MAGIX: variants seen among roughly 807,000 people sequenced by gnomAD.
MAGIX encodes the protein PDZ domain-containing protein MAGIX.
Under a neutral mutation model 10.0 loss-of-function variants are expected in MAGIX, and 13 were observed. The observed-to-expected ratio is 1.30, with a 90% CI of 0.84 to 2.06. The LOEUF (loss-of-function observed/expected upper bound fraction) is 2.06. Ranked by LOEUF, MAGIX falls within the 30% of genes most tolerant of loss-of-function variation. The pLI, the probability that MAGIX is intolerant of heterozygous loss-of-function variation, is 0.00. For missense variants in MAGIX, 235 were observed against 245.2 expected, an observed-to-expected ratio of 0.96 and a Z score of 0.28; for synonymous variants, 108 against 106.8, an observed-to-expected ratio of 1.01 and a Z score of -0.07.
chrX:49,163,961 G>A, intron 2 of MAGIX, 32 bp downstream of exon 2: 1 of 1,004,261 alleles, frequency 1.0e-6, no homozygotes, highest in African/African-American at 2.0e-5. Context: ...TCCGCTGGGG[G>A]AGGGTTCGGA....
rs782054302 is a variant in MAGIX at position 49,162,971 on chromosome X, G to T, written c.-202+226G>T. The T allele has an allele frequency of 2.4e-4, 124 of 521,575 alleles. 2 individuals are homozygous for T. The South Asian group carries it at 7.8e-3, about 33-fold the overall frequency. The allele number at this position is 521,575 out of a possible 1,213,427, so 43.0% of individuals were successfully genotyped here. A position where few individuals can be genotyped will look rare whatever the true frequency, so the allele number is the denominator to read the frequency against. On this transcript the variant is annotated intron_variant, in intron 1 of 4. Coordinates refer to ENST00000616266, the Ensembl canonical transcript of MAGIX. ...GATTGGGGTCGTTGGGGAAGGACAGGGCGAGTCGCCGCCATCCCCGTCCCG... is the reference window on the plus strand; with the variant it reads ...GATTGGGGTCGTTGGGGAAGGACAGTGCGAGTCGCCGCCATCCCCGTCCCG...
chrX:49,165,377 G>A lies in MAGIX; in HGVS notation c.502+16G>A. 2.6e-6 allele frequency: 3 copies of A among 1,141,056 alleles called. No individual in the cohort carries two copies. The highest frequency in any genetic ancestry group is 2.3e-6 in the Non-Finnish European group (2 of 858,430). The allele number at this position is 1,141,056 out of a possible 1,213,427, so 94.0% of individuals were successfully genotyped here. On this transcript the variant is annotated intron_variant, in intron 4 of 4. Coordinates refer to ENST00000616266, the Ensembl canonical transcript of MAGIX. ...AAAGGAGTTGGTGGGTTTCCCAAGG[G>A]AGAGAAGTCAGAGATCAGTGAGGAG... is the stretch of plus-strand genomic sequence containing the variant.
At chrX:49,166,460 G>A (rs1557098232) in exon 5 of MAGIX, 2 of 983,466 alleles carry the variant, frequency 2.0e-6, no homozygotes, top group Non-Finnish European at 2.7e-6. Context: ...GGCGCGTGTG[G>A]CCGCTGGGCA....
chrX:49,168,774 C>CAAA (rs35343968), downstream of MAGIX, among the ~76,000 whole-genome samples: 1 of 16,897 alleles, frequency 5.9e-5, no homozygotes, highest in African/African-American at 2.3e-4. Context: ...GACCTTATCT[C>CAAA]AAAAAAAAAA....
At chrX:49,164,749 G>T (rs1557097151) in exon 3 of MAGIX, 1 of 1,212,031 alleles carries the variant, frequency 8.3e-7, no homozygotes, top group Non-Finnish European at 1.1e-6. Context: ...GTCACAGACA[G>T]TCGCCTGCCT....
intron 1 of MAGIX, 176 bp from the exon 2 acceptor site, chrX:49,163,607 C>A: frequency 5.3e-6 from 2 of 376,438 alleles, no homozygotes; most frequent in Admixed American, 6.5e-5. Context: ...ACCGGCTACC[C>A]GCGACGGTCG....
At chrX:49,163,881 G>C (rs1478676791) in exon 2 of MAGIX, 1 of 1,032,440 alleles carries the variant, frequency 9.7e-7, no homozygotes, top group Non-Finnish European at 1.2e-6. Context: ...CGACGTGGCA[G>C]CGCTGGTACG....
In MAGIX at chrX:49,163,932, G is replaced by A; in HGVS notation, c.-55+3G>A. On this transcript the variant is annotated splice_donor_region_variant and intron_variant, in intron 2 of 4. Transcript: ENST00000616266. ...ATTGCGCCTGCGCCGGAAGGAGGGT[G>A]AGTGACTGGCGCAGGGCCTCCGCTG... 9.8e-7 allele frequency: 1 copy of A among 1,015,511 alleles called. No homozygotes were observed. Among genetic ancestry groups the A allele is most frequent in the East Asian group, 4.1e-5 (1 of 24,329 alleles). 83.7% of individuals were successfully genotyped at this position (1,015,511 alleles called of 1,213,427 possible).
At chrX:49,165,227 C>T (rs1557097535) in exon 4 of MAGIX, 8 of 1,185,113 alleles carry the variant, frequency 6.8e-6, no homozygotes, top group Non-Finnish European at 6.8e-6. Context: ...GGAGAGTCAA[C>T]GCAGGGCCTC....
At chrX:49,165,996 C>G in intron 4 of MAGIX, 78 bp from the exon 6 acceptor site, 1 of 1,015,693 alleles carries the variant, frequency 9.8e-7, no homozygotes, top group South Asian at 2.1e-5. Flanking sequence ...TCTCCCGCAG[C>G]CTTTGGGTTC....
At chrX:49,163,805 G>T (rs1557096778) in exon 2 of MAGIX, 3 of 1,049,829 alleles carry the variant, frequency 2.9e-6, no homozygotes, top group African/African-American at 2.0e-5. Flanking sequence ...CCCCGCTCGC[G>T]GGCCCTAGCG....
exon 4 of MAGIX, chrX:49,165,231 G>A (rs2065358572): frequency 1.7e-6 from 2 of 1,185,129 alleles, no homozygotes; most frequent in Non-Finnish European, 2.3e-6. Context: ...AGTCAACGCA[G>A]GGCCTCACCC....
chrX:49,162,780 G>A, intron 1 of MAGIX: 1 of 432,940 alleles, frequency 2.3e-6, no homozygotes. Context: ...GCCAGGCACG[G>A]GACCCGCCAG....
chrX:49,164,566 CG>C (rs1238975895), intron 2 of MAGIX, 140 bp from the exon 3 acceptor site: 6 of 541,824 alleles, frequency 1.1e-5, no homozygotes, highest in Non-Finnish European at 1.9e-5. Context: ...GGGGATGGTG[CG>C]TAAATGGTGG....
chrX:49,166,340 G>C (rs1330310106), exon 5 of MAGIX: 4 of 1,164,243 alleles, frequency 3.4e-6, no homozygotes, highest in Non-Finnish European at 4.6e-6. Context: ...GCGGGCCCTA[G>C]GGGTCCGGGG....
At chrX:49,165,806 C>G in intron 4 of MAGIX, 1 of 372,335 alleles carries the variant, frequency 2.7e-6, no homozygotes, top group Non-Finnish European at 4.6e-6. Context: ...GAGGAGAGAG[C>G]AGGGGCTCCT....
At position 49,166,063 on chromosome X, in the gene MAGIX, C is replaced by G; in HGVS notation, c.503-11C>G. 7 of 1,205,785 alleles carry G rather than the reference C, an allele frequency of 5.8e-6. No individual in the cohort carries two copies. Among genetic ancestry groups the G allele is most frequent in the Non-Finnish European group, 7.9e-6 (7 of 890,893 alleles). On this transcript the variant is annotated splice_polypyrimidine_tract_variant and intron_variant, in intron 4 of 4. Transcript: ENST00000616266. ...TCCCTTCCCTACTTCACCACCCAAT[C>G]TAATCCGTAGTCCCGTCATGGCCAG...
chrX:49,162,940 T>C lies in MAGIX; in HGVS notation c.-202+195T>C. 1 of 701,156 alleles carries C rather than the reference T, an allele frequency of 1.4e-6. No homozygotes were observed. The highest frequency in any genetic ancestry group is 2.0e-6 in the Non-Finnish European group (1 of 507,217). The allele number at this position is 701,156 out of a possible 1,213,427, so 57.8% of individuals were successfully genotyped here. A position where few individuals can be genotyped will look rare whatever the true frequency, so the allele number is the denominator to read the frequency against. ...CGGACCCTAGGGGGAGCAGAGGAGG[T>C]ACAGGGATTGGGGTCGTTGGGGAAG... On this transcript the variant is annotated intron_variant, in intron 1 of 4. Transcript: ENST00000616266.
At chrX:49,168,486 A>C (rs1296409996), downstream of MAGIX, 3 of 106,029 alleles carry the variant, frequency 2.8e-5, no homozygotes, top group Non-Finnish European at 3.9e-5. Context: ...AAAAAAAAAA[A>C]AAAAAAACTT....
Sources: allele counts gnomAD v4.1 joint callset (sites outside exome capture counted in the v4.1 genomes callset), GRCh38; gene constraint gnomAD v4.1.1; transcripts MANE v1.5; gene names NCBI Gene and HGNC (gene_info 2026-07-23, HGNC 2026-07-21).